The following CPNE4 variants were observed in gnomAD, a reference collection of about 807,000 sequenced individuals.
CPNE4 encodes the protein copine-4.
Under a neutral mutation model 67.9 loss-of-function variants are expected in CPNE4, and 25 were observed. The observed-to-expected ratio is 0.37, with a 90% CI of 0.27 to 0.51. The LOEUF is 0.51. Among genes scored for constraint, CPNE4 ranks in the 20% least tolerant of loss-of-function variants. CPNE4 has a pLI of 0.93. For missense variants in CPNE4, 464 were observed against 690.8 expected, an observed-to-expected ratio of 0.67 and a Z score of 3.68; for synonymous variants, 242 against 244.9, an observed-to-expected ratio of 0.99 and a Z score of 0.11.
intron 1 of CPNE4, among the ~76,000 whole-genome samples, chr3:131,960,018 G>A (rs1189546902): frequency 2.6e-5 from 4 of 151,956 alleles, no homozygotes; most frequent in African/African-American, 7.3e-5. Flanking sequence ...AAATAGCCTT[G>A]AAAATAATTG....
chr3:131,912,764 T>C (rs915934977), intron 1 of CPNE4, among the ~76,000 whole-genome samples: 1 of 152,186 alleles, frequency 6.6e-6, no homozygotes, highest in Non-Finnish European at 1.5e-5. Flanking sequence ...TTTCATACTC[T>C]GGAGCAGTGC....
chr3:131,876,641 C>CAAAAAAA (rs61625119), intron 2 of CPNE4, among the ~76,000 whole-genome samples: 37 of 101,606 alleles, frequency 3.6e-4, no homozygotes, highest in Non-Finnish European at 4.7e-4. Flanking sequence ...GACTCCGTCT[C>CAAAAAAA]AAAAAAAAAA....
intron 14 of CPNE4, 127 bp from the exon 15 acceptor site, chr3:131,542,920 A>T: frequency 1.5e-6 from 1 of 656,362 alleles, no homozygotes; most frequent in South Asian, 1.8e-5. Flanking sequence ...GATGACAGAC[A>T]TTTTTTGAAT....
At position 131,533,942 on chromosome 3, in the gene CPNE4, C is replaced by T. The variant is rs146655727; in HGVS notation, c.*1253G>A. ...GGCCAGCTTATATTGAAACAAAACACCTCGACCCCAGACAATAATTCCAGG... is the reference window on the plus strand; with the variant it reads ...GGCCAGCTTATATTGAAACAAAACATCTCGACCCCAGACAATAATTCCAGG... On this transcript the variant is annotated 3_prime_UTR_variant, in exon 16 of 16. Transcript: ENST00000429747. 3 of 152,258 alleles carry T rather than the reference C, an allele frequency of 2.0e-5. No individual in the cohort carries two copies. Among genetic ancestry groups the T allele is most frequent in the East Asian group, 3.9e-4 (2 of 5,178 alleles). The allele number at this position is 152,258 out of a possible 1,614,324, so 9.4% of individuals were successfully genotyped here.
chr3:131,946,768 T>G (rs1485507731), intron 1 of CPNE4, among the ~76,000 whole-genome samples: 2 of 152,216 alleles, frequency 1.3e-5, no homozygotes, highest in African/African-American at 4.8e-5. Context: ...TAGTTCATCA[T>G]GCTTTTGGTG....
chr3:131,595,047 TAC>T (rs993358615), intron 7 of CPNE4, among the ~76,000 whole-genome samples: 3 of 152,188 alleles, frequency 2.0e-5, no homozygotes, highest in East Asian at 3.9e-4. Flanking sequence ...TTTTAAAATG[TAC>T]ACACACAAAA....
intron 2 of CPNE4, among the ~76,000 whole-genome samples, chr3:131,818,107 C>A (rs2084815808): frequency 1.3e-5 from 2 of 152,180 alleles, no homozygotes; most frequent in African/African-American, 4.8e-5. Flanking sequence ...AGTCAATCAA[C>A]AGGTGTAAAT....
intron 7 of CPNE4, among the ~76,000 whole-genome samples, chr3:131,612,024 C>T (rs1435176420): frequency 6.6e-6 from 1 of 152,154 alleles, no homozygotes; most frequent in African/African-American, 2.4e-5. Flanking sequence ...ACTTTAGAAA[C>T]TCCAGGTTTT....
At chr3:131,941,544 C>G (rs1478769814) in intron 1 of CPNE4, among the ~76,000 whole-genome samples, 1 of 151,836 alleles carries the variant, frequency 6.6e-6, no homozygotes, top group Non-Finnish European at 1.5e-5. Flanking sequence ...GATGAGAAAA[C>G]CAAGGCCCAA....
intron 1 of CPNE4, among the ~76,000 whole-genome samples, chr3:131,962,769 A>G (rs1473011792): frequency 6.6e-6 from 1 of 152,078 alleles, no homozygotes; most frequent in Non-Finnish European, 1.5e-5. Context: ...CGTTTTCCTG[A>G]GAGAGAAAAT....
At chr3:131,819,746 T>C (rs2084892431) in intron 2 of CPNE4, among the ~76,000 whole-genome samples, 1 of 152,180 alleles carries the variant, frequency 6.6e-6, no homozygotes, top group South Asian at 2.1e-4. Context: ...ACACTTGCTA[T>C]TTTTAGGCTA....
At chr3:131,783,322 G>A (rs2083473123) in intron 2 of CPNE4, among the ~76,000 whole-genome samples, 1 of 152,008 alleles carries the variant, frequency 6.6e-6, no homozygotes, top group Non-Finnish European at 1.5e-5. Context: ...ATCAGTTTTG[G>A]CCATCCATGT....
chr3:131,869,714 T>C (rs955367746), intron 2 of CPNE4, among the ~76,000 whole-genome samples: 2 of 152,232 alleles, frequency 1.3e-5, no homozygotes, highest in Admixed American at 6.5e-5. Flanking sequence ...ACATAGATGA[T>C]TACAGTTGTA....
At chr3:131,784,235 T>C (rs1373028081) in intron 2 of CPNE4, among the ~76,000 whole-genome samples, 1 of 152,070 alleles carries the variant, frequency 6.6e-6, no homozygotes, top group Non-Finnish European at 1.5e-5. Flanking sequence ...TATTACTTCC[T>C]AGCCCTTTGT....
At chr3:131,772,334 G>A (rs2083188775) in intron 2 of CPNE4, among the ~76,000 whole-genome samples, 1 of 152,086 alleles carries the variant, frequency 6.6e-6, no homozygotes, top group Admixed American at 6.6e-5. Flanking sequence ...ACCATTAATT[G>A]GTATTAGTAA....
At chr3:131,587,684 G>T in intron 7 of CPNE4, 102 bp from the exon 8 acceptor site, 1 of 817,774 alleles carries the variant, frequency 1.2e-6, no homozygotes. Flanking sequence ...AAAGATGTTT[G>T]GTCTGGAACC....
At chr3:131,810,329 C>T (rs1275926792) in intron 2 of CPNE4, among the ~76,000 whole-genome samples, 2 of 151,936 alleles carry the variant, frequency 1.3e-5, no homozygotes, top group Non-Finnish European at 2.9e-5. Context: ...AAAAAATATA[C>T]AAGGAACTGC....
chr3:131,772,891 C>G (rs1015773091), intron 2 of CPNE4, among the ~76,000 whole-genome samples: 3 of 152,122 alleles, frequency 2.0e-5, no homozygotes, highest in African/African-American at 7.2e-5. Context: ...TGCCTGTATA[C>G]AGCATTAACA....
intron 1 of CPNE4, among the ~76,000 whole-genome samples, chr3:132,005,314 C>CATATATATATATAT (rs767282824): frequency 4.5e-4 from 37 of 81,636 alleles, no homozygotes; most frequent in South Asian, 1.1e-3. Context: ...GCCATTTTTA[C>CATATATATATATAT]ATATATATAT....
Sources: gnomAD v4.1 joint callset for allele counts (sites outside exome capture counted in the v4.1 genomes callset) on GRCh38, gnomAD v4.1.1 for gene constraint, MANE v1.5 for transcripts, NCBI Gene and HGNC (gene_info 2026-07-23, HGNC 2026-07-21) for gene names.